The following CACNA1E variants were observed in gnomAD, a reference collection of about 807,000 sequenced individuals.
CACNA1E encodes voltage-dependent R-type calcium channel subunit alpha-1E.
In CACNA1E, 40 loss-of-function variants were observed where a neutral mutation model predicts 259.2. The observed-to-expected ratio is 0.15, with a 90% confidence interval of 0.12 to 0.20. CACNA1E has a LOEUF of 0.20. Ranked by LOEUF, CACNA1E falls within the 10% of genes least tolerant of loss-of-function variation. The pLI, the probability that CACNA1E is intolerant of heterozygous loss-of-function variation, is 1.00. For synonymous variants in CACNA1E, 1,104 were observed against 1,138.5 expected (o/e 0.97, Z 0.61); for missense variants, 1,874 against 3,040.1 (o/e 0.62, Z 9.02).
Position 181,596,700 on chromosome 1 carries a change from C to T in CACNA1E, c.951+15924C>T, listed in dbSNP as rs151222530. Among the ~76,000 whole-genome samples, 10 of 152,128 alleles carry T rather than the reference C, an allele frequency of 6.6e-5. No homozygotes were observed. The East Asian group carries it at 1.9e-3, about 30-fold the overall frequency. On this transcript the variant is annotated intron_variant, in intron 6 of 47. Transcript: ENST00000367573. ...ACTCGTGAATTCTCTTTTGTACAGACTTGATAAAGGGTGTTTCTTGAGTAC... is the reference window on the plus strand; with the variant it reads ...ACTCGTGAATTCTCTTTTGTACAGATTTGATAAAGGGTGTTTCTTGAGTAC...
At chr1:181,592,602 C>G (rs957376360) in intron 6 of CACNA1E, among the ~76,000 whole-genome samples, 4 of 152,242 alleles carry the variant, frequency 2.6e-5, no homozygotes, top group Admixed American at 6.5e-5. Context: ...ACACAGCTGG[C>G]CTCCTCAGCT....
At chr1:181,665,786 G>A (rs1018424492) in intron 7 of CACNA1E, among the ~76,000 whole-genome samples, 1 of 152,004 alleles carries the variant, frequency 6.6e-6, no homozygotes, top group African/African-American at 2.4e-5. Context: ...TTAAAAAGAT[G>A]GCTTTGCTAA....
chr1:181,649,616 A>G (rs1572487612), intron 6 of CACNA1E, among the ~76,000 whole-genome samples: 2 of 152,226 alleles, frequency 1.3e-5, no homozygotes, highest in Admixed American at 6.5e-5. Context: ...ATGCCCATCA[A>G]TGACAGAATG....
chr1:181,429,173 T>G (rs1659532338), intron 2 of CACNA1E, among the ~76,000 whole-genome samples: 1 of 151,984 alleles, frequency 6.6e-6, no homozygotes, highest in Admixed American at 6.6e-5. Context: ...CAGAGTGAGA[T>G]TCCATCTTAA....
At chr1:181,374,868 AC>A (rs1265378255) in intron 1 of CACNA1E, among the ~76,000 whole-genome samples, 2 of 152,122 alleles carry the variant, frequency 1.3e-5, no homozygotes, top group African/African-American at 2.4e-5. Flanking sequence ...CAATAATAAA[AC>A]TAAATTTGGC....
At chr1:181,747,381 C>A (rs1163087787) in intron 25 of CACNA1E, among the ~76,000 whole-genome samples, 2 of 151,500 alleles carry the variant, frequency 1.3e-5, no homozygotes, top group African/African-American at 4.9e-5. Flanking sequence ...CATGAAAGAT[C>A]TGGAGGGCAG....
chr1:181,466,218 A>G (rs1662145024), intron 2 of CACNA1E, among the ~76,000 whole-genome samples: 1 of 152,116 alleles, frequency 6.6e-6, no homozygotes, highest in African/African-American at 2.4e-5. Context: ...AGGTCTAAAG[A>G]CCTTATCACT....
At chr1:181,318,597 C>CGGGCGCGGGCGGCTCAGCA in intron 1 of CACNA1E, among the ~76,000 whole-genome samples, 1 of 152,300 alleles carries the variant, frequency 6.6e-6, no homozygotes, top group South Asian at 2.1e-4. Flanking sequence ...TCCATGCCTC[C>CGGGCGCGGGCGGCTCAGCA]GGGCGCGGGC....
chr1:181,536,022 C>T (rs943031799), intron 3 of CACNA1E, among the ~76,000 whole-genome samples: 3 of 152,106 alleles, frequency 2.0e-5, no homozygotes, highest in Non-Finnish European at 4.4e-5. Context: ...CTTTTGTTTC[C>T]TCTTTCATTG....
intron 6 of CACNA1E, among the ~76,000 whole-genome samples, chr1:181,631,912 G>C (rs2101947595): frequency 6.6e-6 from 1 of 152,304 alleles, no homozygotes; most frequent in East Asian, 1.9e-4. Flanking sequence ...AGGGAGATCA[G>C]ATTTACCTCA....
At chr1:181,503,349 G>A (rs1665432037) in intron 1 of CACNA1E, among the ~76,000 whole-genome samples, 1 of 152,180 alleles carries the variant, frequency 6.6e-6, no homozygotes, top group Non-Finnish European at 1.5e-5. Flanking sequence ...CTTAGCCCTG[G>A]CCTGGGGTGT....
chr1:181,342,868 G>T (rs1328272336), intron 1 of CACNA1E, among the ~76,000 whole-genome samples: 1 of 152,072 alleles, frequency 6.6e-6, no homozygotes, highest in Non-Finnish European at 1.5e-5. Context: ...GTATGGTTTT[G>T]TTTTGTACAC....
At chr1:181,625,177 A>G (rs1284247562) in intron 6 of CACNA1E, among the ~76,000 whole-genome samples, 1 of 151,188 alleles carries the variant, frequency 6.6e-6, no homozygotes, top group African/African-American at 2.4e-5. Flanking sequence ...CAAGCAGAGT[A>G]GATTTAGCAT....
intron 6 of CACNA1E, among the ~76,000 whole-genome samples, chr1:181,596,434 G>T (rs1653167947): frequency 6.6e-6 from 1 of 152,212 alleles, no homozygotes; most frequent in Non-Finnish European, 1.5e-5. Flanking sequence ...CGTCGGACTT[G>T]TGCAGCCTAA....
At position 181,483,802 on chromosome 1, in the gene CACNA1E, G is replaced by A; in HGVS notation, c.58G>A (p.Asp20Asn). Residue 20 changes from aspartate (D) to asparagine (N), a missense_variant, in exon 1 of 48, where the codon GAC (aspartate) becomes AAC (asparagine). Around this residue, in one of 14 missense-constraint regions of CACNA1E, gnomAD observed 110 missense variants for 122.8 expected, o/e 0.90. Transcript: ENST00000367573. ...GCCAGGGTCCGGCGATGGAGACTCG[G>A]ACCAGAGCAGGAACCGGCAAGGAAC... is the stretch of plus-strand genomic sequence containing the variant. ...ARPGSGDGDSDQSRNRQGTPV... is the reference protein window; with the variant it reads ...ARPGSGDGDSNQSRNRQGTPV... The A allele has an allele frequency of 2.5e-6, 4 of 1,613,318 alleles. No individual in the cohort carries two copies. The highest frequency in any genetic ancestry group is 3.4e-6 in the Non-Finnish European group (4 of 1,179,704).
At chr1:181,652,284 T>TA (rs555849614) in intron 7 of CACNA1E, among the ~76,000 whole-genome samples, 45 of 152,316 alleles carry the variant, frequency 3.0e-4, no homozygotes, top group African/African-American at 1.1e-3. Flanking sequence ...TAGAGATTCT[T>TA]ATATTTTTCT....
At chr1:181,394,901 G>A (rs1656551662) in intron 1 of CACNA1E, among the ~76,000 whole-genome samples, 2 of 152,292 alleles carry the variant, frequency 1.3e-5, no homozygotes, top group East Asian at 3.9e-4. Context: ...AGTCTGGGAA[G>A]TAACAGGAAG....
At chr1:181,524,301 C>T (rs1457807826) in intron 3 of CACNA1E, among the ~76,000 whole-genome samples, 1 of 152,094 alleles carries the variant, frequency 6.6e-6, no homozygotes, top group Non-Finnish European at 1.5e-5. Flanking sequence ...TGGTATGTTT[C>T]CTTTTTTAAA....
rs1014332101 is a variant in CACNA1E at position 181,716,019 on chromosome 1, T to G, written c.1226-21T>G. Reference sequence around the variant, plus strand: ...GGGTGTACTTGTGGCCTCTCACTGGTCTTCCCTTTCCCTGATGCAGTGCTT... The same window carrying G: ...GGGTGTACTTGTGGCCTCTCACTGGGCTTCCCTTTCCCTGATGCAGTGCTT... On this transcript the variant is annotated intron_variant, in intron 9 of 47. Transcript: ENST00000367573. The G allele has an allele frequency of 4.5e-6, 7 of 1,540,506 alleles. No individual in the cohort carries two copies. The African/African-American group carries it at 9.6e-5, about 21-fold the overall frequency.
Sources: gnomAD v4.1 joint callset for allele counts (sites outside exome capture counted in the v4.1 genomes callset) on GRCh38, gnomAD v4.1.1 for gene constraint, gnomAD v4.1.1 regional missense constraint, MANE v1.5 for transcripts, NCBI Gene and HGNC (gene_info 2026-07-23, HGNC 2026-07-21) for gene names.